Variants in TPD52L1 observed in about 807,000 individuals in gnomAD.
TPD52L1 encodes tumor protein D53.
A neutral mutation model predicts 28.7 loss-of-function variants in TPD52L1; 18 were observed. The ratio of observed to expected loss-of-function variants is 0.63; its 90% confidence interval spans 0.43 to 0.93. The LOEUF (loss-of-function observed/expected upper bound fraction) is 0.93. Among genes scored for constraint, TPD52L1 ranks in the 40% least tolerant of loss-of-function variants. The probability of loss-of-function intolerance (pLI) is 0.00; values close to 1 mark genes in which losing one functional copy is unlikely to be tolerated. For synonymous variants in TPD52L1, 75 were observed against 88.8 expected (o/e 0.84, Z 0.88); for missense variants, 203 against 254.8 (o/e 0.80, Z 1.39).
rs1562210319 is a variant in TPD52L1, at chr6:125,172,120, CTTT to C, written c.19+18151_19+18153del. On this transcript the variant is annotated intron_variant, in intron 1 of 6. Coordinates refer to ENST00000534000, the MANE Select transcript of TPD52L1 (RefSeq NM_003287.4). Reference sequence around the variant, plus strand: ...TTTCCCTTTCTTTCTTTCTTTCTTTCTTTCTTTCTTTCTTTCTTTCTTTCTTTC... The same window carrying C: ...TTTCCCTTTCTTTCTTTCTTTCTTTCCTTTCTTTCTTTCTTTCTTTCTTTC... Among the ~76,000 whole-genome samples, 51 of 52,480 alleles carry C rather than the reference CTTT, an allele frequency of 9.7e-4. 1 individual carries two copies. The highest frequency in any genetic ancestry group is 4.3e-3 in the African/African-American group (43 of 9,938). 34.4% of individuals were successfully genotyped at this position (52,480 alleles called of 152,430 possible).
intron 5 of TPD52L1, among the ~76,000 whole-genome samples, chr6:125,256,354 G>GA (rs113832248): frequency 0.024 from 3,550 of 149,428 alleles, 53 homozygotes; most frequent in Non-Finnish European, 0.03. Context: ...TCAAAAAAAA[G>GA]AAAAAAAAAG....
At chr6:125,256,054 A>C (rs1329092716) in intron 5 of TPD52L1, among the ~76,000 whole-genome samples, 1 of 152,168 alleles carries the variant, frequency 6.6e-6, no homozygotes, top group Non-Finnish European at 1.5e-5. Flanking sequence ...GTCACAAATA[A>C]AATGCCATTA....
intron 1 of TPD52L1, among the ~76,000 whole-genome samples, chr6:125,219,153 C>T (rs1795066184): frequency 6.6e-6 from 1 of 152,188 alleles, no homozygotes; most frequent in Non-Finnish European, 1.5e-5. Context: ...TGACTGGAAT[C>T]ATGTCATAGA....
At chr6:125,171,823 T>C (rs1054462583) in intron 1 of TPD52L1, among the ~76,000 whole-genome samples, 2 of 152,220 alleles carry the variant, frequency 1.3e-5, no homozygotes, top group South Asian at 4.1e-4. Flanking sequence ...AACTCTGAGA[T>C]AATAAATATG....
At chr6:125,249,573 TC>T (rs1797137061) in intron 4 of TPD52L1, among the ~76,000 whole-genome samples, 2 of 150,892 alleles carry the variant, frequency 1.3e-5, no homozygotes, top group African/African-American at 4.9e-5. Context: ...GTGCCTGTAG[TC>T]CCAGCTGCTG....
At chr6:125,177,476 CA>C (rs1791896676) in intron 1 of TPD52L1, among the ~76,000 whole-genome samples, 2 of 152,146 alleles carry the variant, frequency 1.3e-5, no homozygotes, top group African/African-American at 4.8e-5. Flanking sequence ...ATACAATCTC[CA>C]CATTTTGTAG....
At position 125,229,581 on chromosome 6, in the gene TPD52L1, T is replaced by A. The variant is rs777802764; in HGVS notation, c.284+315T>A. On this transcript the variant is annotated intron_variant, in intron 3 of 6. Transcript: ENST00000534000. ...TAACATTTGTCAAATATACTTTTTT[T>A]AAAACTTTTTCTCATAAAAACTATA... 4.1e-4 allele frequency among the ~76,000 whole-genome samples: 62 copies of A among 152,350 alleles called. 1 individual carries two copies. Among genetic ancestry groups the A allele is most frequent in the Non-Finnish European group, 5.6e-4 (38 of 68,030 alleles).
chr6:125,211,420 T>C (rs897872399), intron 1 of TPD52L1, among the ~76,000 whole-genome samples: 1 of 152,162 alleles, frequency 6.6e-6, no homozygotes, highest in Non-Finnish European at 1.5e-5. Context: ...GCCATCCTGA[T>C]TTCAAAGATG....
At chr6:125,206,008 A>C (rs1794106734) in intron 1 of TPD52L1, among the ~76,000 whole-genome samples, 2 of 152,352 alleles carry the variant, frequency 1.3e-5, no homozygotes, top group South Asian at 4.1e-4. Context: ...AACAACAACA[A>C]AAAAGGAATA....
chr6:125,221,115 T>C (rs1222544566), intron 2 of TPD52L1, among the ~76,000 whole-genome samples: 1 of 152,228 alleles, frequency 6.6e-6, no homozygotes, highest in Non-Finnish European at 1.5e-5. Context: ...TGATAGTGTT[T>C]GTCTATGACA....
rs563117173 is a variant in TPD52L1, at chr6:125,207,959, C to A, written c.20-12119C>A. On this transcript the variant is annotated intron_variant, in intron 1 of 6. Transcript: ENST00000534000. ...TGTAACACACCTGGAGCATAGCATG[C>A]AGTTAAAAAGAAACACACACATTTA... Among the ~76,000 whole-genome samples the A allele has an allele frequency of 3.7e-4, 56 of 152,314 alleles. 2 individuals carry two copies. In the East Asian group the frequency reaches 4.0e-3, roughly 11 times the overall value.
intron 2 of TPD52L1, among the ~76,000 whole-genome samples, chr6:125,224,363 T>C (rs1795457196): frequency 1.3e-5 from 2 of 152,180 alleles, no homozygotes; most frequent in Admixed American, 1.3e-4. Flanking sequence ...TCTCAATCTC[T>C]CCTTTGGCTC....
intron 1 of TPD52L1, among the ~76,000 whole-genome samples, chr6:125,163,874 G>A (rs1289551852): frequency 6.9e-6 from 1 of 145,604 alleles, no homozygotes; most frequent in Non-Finnish European, 1.5e-5. Context: ...CCGAGATCAT[G>A]TCATTACACT....
intron 1 of TPD52L1, among the ~76,000 whole-genome samples, chr6:125,178,804 A>G (rs941150887): frequency 4.6e-5 from 7 of 152,152 alleles, no homozygotes; most frequent in African/African-American, 1.7e-4. Context: ...CTTATTAATT[A>G]ATTTAGGCTA....
intron 3 of TPD52L1, among the ~76,000 whole-genome samples, chr6:125,237,407 G>A (rs1045373539): frequency 6.6e-6 from 1 of 152,138 alleles, no homozygotes; most frequent in Non-Finnish European, 1.5e-5. Context: ...TCTGAAAGTT[G>A]AAATGAACCA....
intron 1 of TPD52L1, among the ~76,000 whole-genome samples, chr6:125,185,485 C>T (rs958863733): frequency 6.6e-6 from 1 of 151,764 alleles, no homozygotes; most frequent in Non-Finnish European, 1.5e-5. Flanking sequence ...TAAAATATAA[C>T]CAAAAATTTT....
intron 5 of TPD52L1, among the ~76,000 whole-genome samples, chr6:125,256,475 A>G (rs1274248664): frequency 6.6e-6 from 1 of 152,262 alleles, no homozygotes; most frequent in African/African-American, 2.4e-5. Flanking sequence ...TTAGGTAGGT[A>G]ATGGGTATGT....
At chr6:125,154,562 G>A (rs1310181725) in intron 1 of TPD52L1, 4 of 982,216 alleles carry the variant, frequency 4.1e-6, no homozygotes, top group African/African-American at 1.7e-5. Flanking sequence ...ATCGGGGAGC[G>A]ACCTCTGCCT....
chr6:125,179,064 A>C (rs1792015195), intron 1 of TPD52L1, among the ~76,000 whole-genome samples: 1 of 152,218 alleles, frequency 6.6e-6, no homozygotes, highest in Non-Finnish European at 1.5e-5. Flanking sequence ...ACTACCTTTG[A>C]CACAGCCCTG....
Sources: gnomAD v4.1 joint callset for allele counts (sites outside exome capture counted in the v4.1 genomes callset) on GRCh38, gnomAD v4.1.1 for gene constraint, MANE v1.5 for transcripts, NCBI Gene and HGNC (gene_info 2026-07-23, HGNC 2026-07-21) for gene names.